ASTN2: variants seen among roughly 807,000 people sequenced by gnomAD.
The protein encoded by ASTN2 is astrotactin 2.
In ASTN2, 54 loss-of-function variants were observed where a neutral mutation model predicts 139.8. That is an observed-to-expected ratio of 0.39 (90% CI 0.31 to 0.48). The LOEUF (loss-of-function observed/expected upper bound fraction) is 0.48, where lower values mean the gene tolerates loss of function less well. Ranked by LOEUF, ASTN2 falls within the 20% of genes least tolerant of loss-of-function variation. ASTN2 has a pLI of 0.95. For missense variants in ASTN2, 1,565 were observed against 1,725.1 expected (o/e 0.91, Z 1.64); for synonymous variants, 756 against 719.5 (o/e 1.05, Z -0.81).
At chr9:117,368,076 G>T (rs1269532593) in intron 1 of ASTN2, among the ~76,000 whole-genome samples, 3 of 152,064 alleles carry the variant, frequency 2.0e-5, no homozygotes, top group African/African-American at 7.2e-5. Context: ...AGAAGATGAT[G>T]TTCTGGAAGC....
At chr9:117,095,174 TC>T (rs1260810056) in intron 5 of ASTN2, among the ~76,000 whole-genome samples, 2 of 152,318 alleles carry the variant, frequency 1.3e-5, no homozygotes, top group South Asian at 4.1e-4. Flanking sequence ...CTGCCCTTTA[TC>T]ACTGGCATGG....
At chr9:116,685,964 GA>G (rs892080393) in intron 16 of ASTN2, among the ~76,000 whole-genome samples, 212 of 147,254 alleles carry the variant, frequency 1.4e-3, no homozygotes, top group African/African-American at 3.7e-3. Context: ...TGGTTTTCAG[GA>G]AAAAAAAAAA....
At chr9:116,892,149 T>C (rs1445004182) in intron 10 of ASTN2, among the ~76,000 whole-genome samples, 1 of 152,234 alleles carries the variant, frequency 6.6e-6, no homozygotes, top group Non-Finnish European at 1.5e-5. Context: ...GTAATAGTGA[T>C]ATCTATATAA....
intron 3 of ASTN2, among the ~76,000 whole-genome samples, chr9:117,194,832 A>C (rs1415514310): frequency 6.6e-6 from 1 of 152,250 alleles, no homozygotes; most frequent in Non-Finnish European, 1.5e-5. Flanking sequence ...TTTATGAGAT[A>C]GATGCAAAGA....
chr9:116,684,793 A>G (rs993496393), intron 16 of ASTN2, among the ~76,000 whole-genome samples: 2 of 152,188 alleles, frequency 1.3e-5, no homozygotes, highest in African/African-American at 2.4e-5. Flanking sequence ...AGGTGTTACA[A>G]AACCCAAAGT....
chr9:117,001,934 C>T (rs1837204474), intron 7 of ASTN2, among the ~76,000 whole-genome samples: 1 of 152,166 alleles, frequency 6.6e-6, no homozygotes, highest in Admixed American at 6.5e-5. Context: ...TAACACTCAA[C>T]ACACCGACTT....
At chr9:116,460,875 C>T (rs549927706) in intron 20 of ASTN2, among the ~76,000 whole-genome samples, 1 of 152,100 alleles carries the variant, frequency 6.6e-6, no homozygotes, top group Non-Finnish European at 1.5e-5. Context: ...AGATAAGATG[C>T]CCTTAGCCCA....
chr9:116,749,227 G>C (rs547589255), intron 13 of ASTN2, among the ~76,000 whole-genome samples: 88 of 152,314 alleles, frequency 5.8e-4, no homozygotes, highest in African/African-American at 2.1e-3. Flanking sequence ...AGCTATTGCT[G>C]CTGTAAAATG....
At chr9:116,514,367 G>A (rs369294971) in intron 19 of ASTN2, among the ~76,000 whole-genome samples, 111 of 151,388 alleles carry the variant, frequency 7.3e-4, no homozygotes, top group African/African-American at 2.1e-3. Context: ...TGGAATTTTC[G>A]TCTCAGAGAG....
intron 13 of ASTN2, among the ~76,000 whole-genome samples, chr9:116,786,052 C>A (rs751242797): frequency 1.2e-4 from 18 of 152,170 alleles, no homozygotes; most frequent in Non-Finnish European, 2.1e-4. Flanking sequence ...CTACTACTTG[C>A]CCCGCCTCCT....
intron 10 of ASTN2, among the ~76,000 whole-genome samples, chr9:116,924,732 C>A (rs769633204): frequency 5.3e-5 from 8 of 152,078 alleles, no homozygotes; most frequent in Non-Finnish European, 4.4e-5. Flanking sequence ...GTGAGGATGA[C>A]CAGAGGTCAC....
At chr9:117,275,032 T>C (rs924107752) in intron 2 of ASTN2, among the ~76,000 whole-genome samples, 5 of 152,250 alleles carry the variant, frequency 3.3e-5, no homozygotes, top group Non-Finnish European at 5.9e-5. Context: ...AAAATGAGTA[T>C]ATTCTTACAC....
At chr9:116,868,204 G>T (rs908240060) in intron 10 of ASTN2, among the ~76,000 whole-genome samples, 1 of 152,172 alleles carries the variant, frequency 6.6e-6, no homozygotes, top group African/African-American at 2.4e-5. Context: ...ATGGTGCAAG[G>T]TTCCCTTCCT....
intron 19 of ASTN2, among the ~76,000 whole-genome samples, chr9:116,565,139 T>C (rs1263143676): frequency 6.6e-6 from 1 of 150,858 alleles, no homozygotes; most frequent in Non-Finnish European, 1.5e-5. Context: ...ATGTTTTCCA[T>C]CCCAACCTAG....
chr9:116,704,307 G>A (rs1181465381), intron 16 of ASTN2, among the ~76,000 whole-genome samples: 1 of 150,134 alleles, frequency 6.7e-6, no homozygotes, highest in Non-Finnish European at 1.5e-5. Flanking sequence ...TGTTATAACT[G>A]TGTTTTGTTT....
intron 13 of ASTN2, among the ~76,000 whole-genome samples, chr9:116,757,361 G>A (rs911155916): frequency 3.3e-5 from 5 of 152,092 alleles, no homozygotes; most frequent in African/African-American, 9.7e-5. Flanking sequence ...CTTAATTACC[G>A]AAGACATGAG....
intron 10 of ASTN2, among the ~76,000 whole-genome samples, chr9:116,899,379 C>G (rs1239521123): frequency 6.6e-6 from 1 of 152,204 alleles, no homozygotes; most frequent in Non-Finnish European, 1.5e-5. Flanking sequence ...ACTCTGTTCT[C>G]TCTCCCAACA....
chr9:117,076,410 G>C lies in ASTN2; in HGVS notation c.1276+19634C>G, dbSNP rs189364806. The stretch of plus-strand genomic sequence containing the variant: ...AAGGAAAGAAGGAAGGAGAAAAAGA[G>C]GGGGGGATAGAAGAAGGGAGGGATT... On this transcript the variant is annotated intron_variant, in intron 5 of 22. Transcript: ENST00000313400. 7.2e-3 allele frequency among the ~76,000 whole-genome samples: 1,096 copies of C among 152,072 alleles called. 7 individuals carry two copies. Among genetic ancestry groups the C allele is most frequent in the Non-Finnish European group, 0.012 (827 of 68,006 alleles).
At chr9:117,309,335 T>C (rs921957290) in intron 1 of ASTN2, among the ~76,000 whole-genome samples, 1 of 152,232 alleles carries the variant, frequency 6.6e-6, no homozygotes, top group African/African-American at 2.4e-5. Flanking sequence ...CAGAGCTAGA[T>C]AGACCTTAAG....
Sources: allele counts gnomAD v4.1 joint callset (sites outside exome capture counted in the v4.1 genomes callset), GRCh38; gene constraint gnomAD v4.1.1; transcripts MANE v1.5; gene names NCBI Gene and HGNC (gene_info 2026-07-23, HGNC 2026-07-21).